Variants in RBBP6 observed in about 807,000 individuals in gnomAD.
RBBP6 encodes E3 ubiquitin-protein ligase RBBP6.
In RBBP6, 25 loss-of-function variants were observed where a neutral mutation model predicts 167.7. The ratio of observed to expected loss-of-function variants is 0.15; its 90% CI spans 0.11 to 0.21. The LOEUF is 0.21. Ranked by LOEUF, RBBP6 falls within the 10% of genes least tolerant of loss-of-function variation. RBBP6 has a pLI of 1.00. For missense variants in RBBP6, 1,868 were observed against 2,134.2 expected (o/e 0.88, Z 2.46); for synonymous variants, 789 against 735.8 (o/e 1.07, Z -1.17).
chr16:24,547,337 T>A (rs1030080724), intron 2 of RBBP6, among the ~76,000 whole-genome samples: 2 of 152,218 alleles, frequency 1.3e-5, no homozygotes, highest in African/African-American at 4.8e-5. Flanking sequence ...ATATAATAGC[T>A]ACTTTAAAAA....
intron 3 of RBBP6, among the ~76,000 whole-genome samples, chr16:24,550,886 A>G (rs775337060): frequency 2.0e-5 from 3 of 151,900 alleles, no homozygotes; most frequent in Non-Finnish European, 2.9e-5. Context: ...ATCAAGCATA[A>G]TTAGTGCCCA....
chr16:24,549,502 A>G (rs527477138), intron 3 of RBBP6: 3 of 472,100 alleles, frequency 6.4e-6, no homozygotes, highest in Non-Finnish European at 8.3e-6. Context: ...TGCAAAGCTT[A>G]TATTAAAGTT....
chr16:24,562,244 C>CT, intron 10 of RBBP6, 83 bp downstream of exon 10: 1 of 1,274,898 alleles, frequency 7.8e-7, no homozygotes, highest in East Asian at 2.3e-5. Flanking sequence ...CTTTTAACAG[C>CT]TTTCTTAGTG....
At chr16:24,546,415 G>C (rs77869632) in intron 2 of RBBP6, among the ~76,000 whole-genome samples, 153 bp downstream of exon 2, 1 of 152,008 alleles carries the variant, frequency 6.6e-6, no homozygotes, top group African/African-American at 2.4e-5. Flanking sequence ...TTCTTTGTTC[G>C]TTTGTTTTTG....
chr16:24,563,107 T>C, intron 10 of RBBP6, 92 bp from the exon 11 acceptor site: 4 of 909,892 alleles, frequency 4.4e-6, no homozygotes, highest in Non-Finnish European at 6.8e-6. Flanking sequence ...TCATCTTAAC[T>C]GCAGGTGATG....
Position 24,571,636 on chromosome 16 carries a change from A to G in RBBP6, c.4570A>G (p.Lys1524Glu), listed in dbSNP as rs1899339830. Residue 1524 changes from lysine to glutamate, a missense_variant, in exon 18 of 18, where the codon AAA becomes GAA. Coordinates refer to ENST00000319715, the MANE Select transcript of RBBP6 (RefSeq NM_006910.5). ...KPREERDLPK[K>E]GTGDSKKSNS... The stretch of plus-strand genomic sequence containing the variant: ...AAGGGAAGAGAGAGATTTGCCTAAA[A>G]AAGGAACAGGAGATTCCAAAAAAAG... 5.0e-6 allele frequency: 8 copies of G among 1,611,770 alleles called. No homozygotes were observed. The highest frequency in any genetic ancestry group is 6.8e-6 in the Non-Finnish European group (8 of 1,179,546).
intron 1 of RBBP6, 146 bp downstream of exon 1, chr16:24,540,938 G>A: frequency 1.0e-6 from 1 of 999,554 alleles, no homozygotes; most frequent in East Asian, 2.7e-5. Context: ...GATAGCCAAG[G>A]TTTGCAGCAG....
Position 24,571,061 on chromosome 16 carries a change from A to G in RBBP6, c.3995A>G (p.Asp1332Gly). The G allele has an allele frequency of 6.2e-7, 1 of 1,611,696 alleles. No individual in the cohort carries two copies. The highest frequency in any genetic ancestry group is 1.1e-5 in the South Asian group (1 of 90,902). ...GATGACTTTGAATCTGAAGAAGAAG[A>G]TGTTAAATCCACACAGCCTATATCA... The part of the protein sequence containing the change: ...DKDDFESEEE[D>G]VKSTQPISSV... Residue 1332 changes from aspartate to glycine, a missense_variant, in exon 18 of 18, where the codon GAT becomes GGT. This residue lies in a region of RBBP6 where 591 missense variants were observed against 540.5 expected (regional missense o/e 1.09). Transcript: ENST00000319715.
Position 24,563,492 on chromosome 16 carries a change from C to G in RBBP6, c.1456C>G (p.Pro486Ala), listed in dbSNP as rs751437532. 1 of 1,612,786 alleles carries G rather than the reference C, an allele frequency of 6.2e-7. No homozygotes were observed. The highest frequency in any genetic ancestry group is 8.5e-7 in the Non-Finnish European group (1 of 1,179,702). The change falls in exon 12 of 18, where the codon CCC becomes GCC. Residue 486 changes from proline to alanine, a missense_variant. Physicochemically the swap from Pro to Ala is conservative, Grantham distance 27. Around this residue, in one of 7 missense-constraint regions of RBBP6, gnomAD observed 245 missense variants for 240.1 expected, o/e 1.02. Coordinates refer to ENST00000319715, the MANE Select transcript of RBBP6 (RefSeq NM_006910.5). ...GTCATTATTGCATGGACAGTTGATC[C>G]CCACAACTGGTGAGTAAGATCACTT... ...GQSLLHGQLIPTTGPVRINTA... is the reference protein window; with the variant it reads ...GQSLLHGQLIATTGPVRINTA...
In RBBP6 at chr16:24,572,319, A is replaced by G. The variant is rs878986435; in HGVS notation, c.5253A>G (p.Ala1751=). The change falls in exon 18 of 18, where the codon GCA becomes GCG. Residue 1751 remains alanine (A), a synonymous_variant. Transcript: ENST00000319715. ...AGCATAAGAAGCATAAGAAACATGC[A>G]GGCACTGAAGTGGAATTGGAAAAAA... The part of the protein sequence containing the change: ...HKKHKKHKKH[A]GTEVELEKSQ... 1 of 1,568,098 alleles carries G rather than the reference A, an allele frequency of 6.4e-7. No individual in the cohort carries two copies. Among genetic ancestry groups the G allele is most frequent in the South Asian group, 1.2e-5 (1 of 86,300 alleles).
At chr16:24,562,993 G>T (rs540021785) in intron 10 of RBBP6, among the ~76,000 whole-genome samples, 55 of 147,354 alleles carry the variant, frequency 3.7e-4, no homozygotes, top group African/African-American at 1.4e-3. Flanking sequence ...ATCTTCTTAA[G>T]GAGGTCCTTC....
At chr16:24,567,074 A>C in intron 14 of RBBP6, 69 bp from the exon 15 acceptor site, 4 of 1,453,930 alleles carry the variant, frequency 2.8e-6, no homozygotes, top group Non-Finnish European at 3.8e-6. Flanking sequence ...TATGGATAGA[A>C]GAGATAAGCT....
Position 24,548,934 on chromosome 16 carries a change from TTG to T in RBBP6, c.267-7_267-6del. 1 of 1,598,688 alleles carries T rather than the reference TTG, an allele frequency of 6.3e-7. No homozygotes were observed. Among genetic ancestry groups the T allele is most frequent in the Non-Finnish European group, 8.5e-7 (1 of 1,171,564 alleles). Reference sequence around the variant, plus strand: ...GCTAATGTTAATTTTTGTTTTTATTTTGTGTTTTAGAAGTCGAACTGAACCAG... The same window carrying T: ...GCTAATGTTAATTTTTGTTTTTATTTTGTTTTAGAAGTCGAACTGAACCAG... On this transcript the variant is annotated splice_polypyrimidine_tract_variant and intron_variant, in intron 2 of 17. Transcript: ENST00000319715.
chr16:24,555,685 A>G lies in RBBP6; in HGVS notation c.419A>G (p.His140Arg). 3 of 1,613,750 alleles carry G rather than the reference A, an allele frequency of 1.9e-6. No individual in the cohort carries two copies. The highest frequency in any genetic ancestry group is 2.2e-5 in the South Asian group (2 of 91,008). Residue 140 changes from histidine (H) to arginine (R), a missense_variant, in exon 5 of 18, where the codon CAT becomes CGT. Physicochemically the swap from His to Arg is conservative, Grantham distance 29. This residue lies in a region of RBBP6 where 184 missense variants were observed against 327.7 expected (regional missense o/e 0.56). Coordinates refer to ENST00000319715, the MANE Select transcript of RBBP6 (RefSeq NM_006910.5). ...AAAGCAATGATGTCGCAATCTGGCCATGAATACGACCCAATCAAGTAAGTT... is the reference window on the plus strand; with the variant it reads ...AAAGCAATGATGTCGCAATCTGGCCGTGAATACGACCCAATCAAGTAAGTT... ...KIKAMMSQSGHEYDPINYMKK... is the reference protein window; with the variant it reads ...KIKAMMSQSGREYDPINYMKK...
rs199826068 is a variant in RBBP6, at chr16:24,567,494, A to G, written c.1941A>G (p.Arg647=). Residue 647 remains arginine, a synonymous_variant, in exon 15 of 18, where the codon CGA becomes CGG. Transcript: ENST00000319715. ...SREEFYREQR[R]LKEEEKKKSK... ...AAGAATTCTATAGAGAGCAGCGACG[A>G]CTAAAAGAAGAGTATGTATTCTAAT... 101 of 1,608,136 alleles carry G rather than the reference A, an allele frequency of 6.3e-5. No homozygotes were observed. The highest frequency in any genetic ancestry group is 8.6e-5 in the Non-Finnish European group (101 of 1,176,152).
At chr16:24,543,453 A>G (rs1477501395) in intron 1 of RBBP6, among the ~76,000 whole-genome samples, 1 of 151,644 alleles carries the variant, frequency 6.6e-6, no homozygotes, top group Non-Finnish European at 1.5e-5. Context: ...TGGCTAATTT[A>G]TTGTAATTTT....
chr16:24,540,922 T>G, intron 1 of RBBP6, 130 bp downstream of exon 1: 1 of 1,130,974 alleles, frequency 8.8e-7, no homozygotes, highest in South Asian at 1.8e-5. Context: ...GGATACAACT[T>G]TCATTGATAG....
intron 6 of RBBP6, 150 bp downstream of exon 6, chr16:24,556,067 C>T (rs1898905780): frequency 3.5e-6 from 3 of 865,060 alleles, no homozygotes; most frequent in Non-Finnish European, 5.3e-6. Flanking sequence ...GGCTTCAAAT[C>T]TTGGTTCTGG....
Position 24,569,328 on chromosome 16 carries a change from AGAG to A in RBBP6, c.2639_2641del (p.Arg880_Glu881delinsLys). On this transcript the variant is annotated inframe_deletion, in exon 17 of 18. Coordinates refer to ENST00000319715, the MANE Select transcript of RBBP6 (RefSeq NM_006910.5). ...GAATTCTCCCTTCACAAGAGGCCGC[AGAG>A]AAGACTATGTTGGTGGGCAAAGTCA... The A allele has an allele frequency of 6.2e-7, 1 of 1,613,572 alleles. No homozygotes were observed. The highest frequency in any genetic ancestry group is 8.5e-7 in the Non-Finnish European group (1 of 1,179,922).
Sources: gnomAD v4.1 joint callset for allele counts (sites outside exome capture counted in the v4.1 genomes callset) on GRCh38, gnomAD v4.1.1 for gene constraint, gnomAD v4.1.1 regional missense constraint, MANE v1.5 for transcripts, NCBI Gene and HGNC (gene_info 2026-07-23, HGNC 2026-07-21) for gene names.